ITGA8: variants seen among roughly 807,000 people sequenced by gnomAD.
ITGA8 encodes integrin subunit alpha 8, also known as integrin alpha-8.
A neutral mutation model predicts 142.3 loss-of-function variants in ITGA8; 91 were observed. The ratio of observed to expected loss-of-function variants is 0.64; its 90% CI spans 0.54 to 0.76. ITGA8 has a LOEUF of 0.76. Ranked by LOEUF, ITGA8 falls within the 30% of genes least tolerant of loss-of-function variation. The pLI, the probability that ITGA8 is intolerant of heterozygous loss-of-function variation, is 0.00. For missense variants in ITGA8, 1,406 were observed against 1,327.7 expected (o/e 1.06, Z -0.92); for synonymous variants, 505 against 485.2 (o/e 1.04, Z -0.54).
chr10:15,607,483 G>A (rs1179976484), intron 17 of ITGA8, among the ~76,000 whole-genome samples, 194 bp downstream of exon 17: 1 of 152,144 alleles, frequency 6.6e-6, no homozygotes, highest in Non-Finnish European at 1.5e-5. Flanking sequence ...GAAATTAATA[G>A]CAACACATCA....
In ITGA8 at chr10:15,672,587, T is replaced by C. The variant is rs142568892; in HGVS notation, c.802+37A>G. On this transcript the variant is annotated intron_variant, in intron 7 of 29. Transcript: ENST00000378076. The stretch of plus-strand genomic sequence containing the variant: ...CATCTACATTTACTATGCTTGTCTT[T>C]TGAAAAACCACAAATGTCTTGGGCA... 203 of 1,582,956 alleles carry C rather than the reference T, an allele frequency of 1.3e-4. 2 individuals are homozygous for C. In the East Asian group the frequency reaches 3.8e-3, roughly 30 times the overall value.
chr10:15,535,163 G>A (rs1342674478), intron 27 of ITGA8, among the ~76,000 whole-genome samples: 9 of 152,170 alleles, frequency 5.9e-5, no homozygotes. Flanking sequence ...GGCCTTAGCT[G>A]CCTCCCCCAG....
intron 17 of ITGA8, among the ~76,000 whole-genome samples, chr10:15,606,986 G>A (rs140569026): frequency 2.6e-4 from 40 of 152,174 alleles, no homozygotes; most frequent in African/African-American, 8.2e-4. Context: ...CTAAACACAC[G>A]GTGGATATGT....
intron 15 of ITGA8, among the ~76,000 whole-genome samples, chr10:15,611,747 G>C (rs1833300065): frequency 6.6e-6 from 1 of 151,548 alleles, no homozygotes; most frequent in Non-Finnish European, 1.5e-5. Context: ...CCAAAGTGCT[G>C]GGATTACAGG....
chr10:15,674,658 G>A lies in ITGA8; in HGVS notation c.677-1909C>T, dbSNP rs532234741. On this transcript the variant is annotated intron_variant, in intron 6 of 29. Transcript: ENST00000378076. Reference sequence around the variant, plus strand: ...CAATTTTATCATAAATCAGCTGGGTGTGGTGGCTCATGCCTGTAATCCCAG... The same window carrying A: ...CAATTTTATCATAAATCAGCTGGGTATGGTGGCTCATGCCTGTAATCCCAG... Among the ~76,000 whole-genome samples the A allele has an allele frequency of 2.0e-5, 3 of 152,324 alleles. No individual in the cohort carries two copies. The East Asian group carries it at 5.8e-4, about 29-fold the overall frequency.
chr10:15,678,098 A>G (rs1282893032), intron 5 of ITGA8, among the ~76,000 whole-genome samples: 2 of 152,194 alleles, frequency 1.3e-5, no homozygotes, highest in Non-Finnish European at 2.9e-5. Flanking sequence ...ACTCCAGACT[A>G]GCAAATATAA....
intron 28 of ITGA8, among the ~76,000 whole-genome samples, chr10:15,528,434 T>G (rs1833219602): frequency 6.6e-6 from 1 of 152,018 alleles, no homozygotes; most frequent in African/African-American, 2.4e-5. Context: ...TGAAATTGTT[T>G]CCATTCCTGG....
chr10:15,706,231 T>A lies in ITGA8; in HGVS notation c.343+12535A>T, dbSNP rs543740201. On this transcript the variant is annotated intron_variant, in intron 2 of 29. Transcript: ENST00000378076. Reference sequence around the variant, plus strand: ...GTTCCTTAGGCCAAAATTTCCTCTTTTTTTGCACTCTTCATCTGATCCATA... The same window carrying A: ...GTTCCTTAGGCCAAAATTTCCTCTTATTTTGCACTCTTCATCTGATCCATA... Among the ~76,000 whole-genome samples the A allele has an allele frequency of 7.0e-3, 1,071 of 152,218 alleles. 8 individuals carry two copies. Among genetic ancestry groups the A allele is most frequent in the African/African-American group, 0.025 (1,026 of 41,520 alleles).
At chr10:15,606,865 T>G (rs1258128555) in intron 17 of ITGA8, among the ~76,000 whole-genome samples, 1 of 152,326 alleles carries the variant, frequency 6.6e-6, no homozygotes. Context: ...CATCATCTTT[T>G]TAAGCCCTTG....
In ITGA8 at chr10:15,719,547, G is replaced by A. The variant is rs768132643; in HGVS notation, c.209+16C>T. On this transcript the variant is annotated intron_variant, in intron 1 of 29. Transcript: ENST00000378076. ...CCTTCGTCCCCGCGCGCACCTCCCCGGGTCGGGCGACTTACGTGCGGGCGT... is the reference window on the plus strand; with the variant it reads ...CCTTCGTCCCCGCGCGCACCTCCCCAGGTCGGGCGACTTACGTGCGGGCGT... The A allele has an allele frequency of 1.9e-5, 29 of 1,543,622 alleles. No homozygotes were observed. Among genetic ancestry groups the A allele is most frequent in the Non-Finnish European group, 2.1e-5 (24 of 1,155,546 alleles).
chr10:15,533,423 C>T (rs1394687931), intron 27 of ITGA8, among the ~76,000 whole-genome samples: 6 of 152,266 alleles, frequency 3.9e-5, no homozygotes. Context: ...GGTTTTTATA[C>T]AATTCGGAAA....
At chr10:15,656,896 T>G (rs1331522988) in intron 10 of ITGA8, among the ~76,000 whole-genome samples, 3 of 152,238 alleles carry the variant, frequency 2.0e-5, no homozygotes, top group African/African-American at 7.2e-5. Flanking sequence ...TGGTCTGTTT[T>G]GTTTGCTGTT....
chr10:15,594,250 G>A (rs1021541330), intron 21 of ITGA8, among the ~76,000 whole-genome samples: 2 of 151,792 alleles, frequency 1.3e-5, no homozygotes, highest in East Asian at 1.9e-4. Context: ...AACTGCTAAC[G>A]CATGCCTGAA....
chr10:15,559,615 A>T (rs1267656585), intron 25 of ITGA8, among the ~76,000 whole-genome samples: 1 of 152,148 alleles, frequency 6.6e-6, no homozygotes, highest in African/African-American at 2.4e-5. Context: ...GCAGAGAAGT[A>T]AGGAAGGGTG....
chr10:15,599,214 C>CT (rs1307659586), intron 20 of ITGA8, among the ~76,000 whole-genome samples: 8 of 151,692 alleles, frequency 5.3e-5, no homozygotes, highest in Admixed American at 1.3e-4. Flanking sequence ...CACCCTTTTT[C>CT]TTTTTTTAGG....
At chr10:15,584,986 G>A (rs2131590982) in intron 23 of ITGA8, among the ~76,000 whole-genome samples, 1 of 152,196 alleles carries the variant, frequency 6.6e-6, no homozygotes, top group East Asian at 1.9e-4. Flanking sequence ...CCCAGGAGGT[G>A]GAGGTTGCAG....
intron 23 of ITGA8, among the ~76,000 whole-genome samples, chr10:15,581,803 T>C (rs79721811): frequency 0.071 from 10,819 of 152,264 alleles, 431 homozygotes; most frequent in East Asian, 0.12. Context: ...AAGATGTGCA[T>C]ACATACATAC....
Position 15,607,842 on chromosome 10 carries a change from G to T in ITGA8, c.1610-11C>A, listed in dbSNP as rs1378936741. 1.9e-6 allele frequency: 3 copies of T among 1,610,766 alleles called. No individual in the cohort carries two copies. The highest frequency in any genetic ancestry group is 2.5e-6 in the Non-Finnish European group (3 of 1,177,602). ...CCTCTGCCATCAAGACTAAAGGACA[G>T]AAGTAAAGTAGAGAAAAAGTATTCA... On this transcript the variant is annotated splice_polypyrimidine_tract_variant and intron_variant, in intron 16 of 29. Transcript: ENST00000378076.
chr10:15,563,388 T>C (rs996802618), intron 25 of ITGA8, among the ~76,000 whole-genome samples: 3 of 152,178 alleles, frequency 2.0e-5, no homozygotes, highest in Admixed American at 6.5e-5. Context: ...AATTCTCTCA[T>C]ATGTTTTCTA....
Sources: gnomAD v4.1 joint callset for allele counts (sites outside exome capture counted in the v4.1 genomes callset) on GRCh38, gnomAD v4.1.1 for gene constraint, MANE v1.5 for transcripts, NCBI Gene and HGNC (gene_info 2026-07-23, HGNC 2026-07-21) for gene names.